The following KRT20 variants were observed in gnomAD, a reference collection of about 807,000 sequenced individuals.
KRT20 encodes the protein keratin, type I cytoskeletal 20.
Under a neutral mutation model 43.0 loss-of-function variants are expected in KRT20, and 41 were observed. That is an observed-to-expected ratio of 0.95 (90% CI 0.74 to 1.24). The LOEUF (loss-of-function observed/expected upper bound fraction) is 1.24. KRT20 is among the 50% of genes most tolerant of loss of function. The probability of loss-of-function intolerance (pLI) is 0.00; values close to 1 mark genes in which losing one functional copy is unlikely to be tolerated. For synonymous variants in KRT20, 207 were observed against 200.6 expected (o/e 1.03, Z -0.27); for missense variants, 533 against 521.2 (o/e 1.02, Z -0.22).
chr17:40,883,973 G>A (rs1907704094), intron 1 of KRT20, among the ~76,000 whole-genome samples: 2 of 152,190 alleles, frequency 1.3e-5, no homozygotes, highest in South Asian at 4.1e-4. Flanking sequence ...CTCTAAAGGA[G>A]TATGAATCTT....
chr17:40,878,378 G>T lies in KRT20; in HGVS notation c.919-13C>A. The T allele has an allele frequency of 1.9e-6, 3 of 1,586,744 alleles. No individual in the cohort carries two copies. The highest frequency in any genetic ancestry group is 2.6e-6 in the Non-Finnish European group (3 of 1,157,260). On this transcript the variant is annotated splice_polypyrimidine_tract_variant and intron_variant, in intron 5 of 7. Transcript: ENST00000167588. ...CCAAAGACTCTTTCTATGAGCACAA[G>T]AAAAATAGGGCACTTCTTATGTGAG... is the stretch of plus-strand genomic sequence containing the variant.
At position 40,882,481 on chromosome 17, in the gene KRT20, T is replaced by G. The variant is rs574580430; in HGVS notation, c.473+91A>C. The G allele has an allele frequency of 6.1e-5, 34 of 557,986 alleles. 1 individual carries two copies. The South Asian group carries it at 1.0e-3, about 17-fold the overall frequency. 34.6% of individuals were successfully genotyped at this position (557,986 alleles called of 1,614,324 possible). ...TTCTGGACATTGAACCGTGCTTCCT[T>G]TATCAACAATGATATGGAAAGCTGA... On this transcript the variant is annotated intron_variant, in intron 2 of 7. Coordinates refer to ENST00000167588, the MANE Select transcript of KRT20 (RefSeq NM_019010.3).
intron 3 of KRT20, 49 bp downstream of exon 3, chr17:40,880,565 T>C (rs745870328): frequency 7.2e-6 from 11 of 1,531,006 alleles, no homozygotes; most frequent in Middle Eastern, 2.1e-4. Flanking sequence ...ATTAGTATTA[T>C]ATAGAACCAT....
chr17:40,884,779 C>T lies in KRT20; in HGVS notation c.390+17G>A, dbSNP rs756264343. 1.2e-6 allele frequency: 2 copies of T among 1,601,638 alleles called. No homozygotes were observed. The highest frequency in any genetic ancestry group is 1.7e-6 in the Non-Finnish European group (2 of 1,172,328). On this transcript the variant is annotated intron_variant, in intron 1 of 7. Transcript: ENST00000167588. ...GAAGCTAAACACAGAGTAGGAAACACAAGCATCATCTCTCACCTGACTTCG... is the reference window on the plus strand; with the variant it reads ...GAAGCTAAACACAGAGTAGGAAACATAAGCATCATCTCTCACCTGACTTCG...
intron 2 of KRT20, 149 bp downstream of exon 2, chr17:40,882,423 C>T (rs1567756514): frequency 9.1e-6 from 3 of 329,040 alleles, no homozygotes; most frequent in Admixed American, 9.7e-5. Flanking sequence ...TAGCTTCATA[C>T]ATGTAGCTTC....
Position 40,876,391 on chromosome 17 carries a change from A to G in KRT20, c.1245T>C (p.Ser415=). Residue 415 remains serine (S), a synonymous_variant, in exon 8 of 8, where the codon TCT becomes TCC. Coordinates refer to ENST00000167588, the MANE Select transcript of KRT20 (RefSeq NM_019010.3). The part of the protein sequence containing the change: ...QEVVDGKVVS[S]EVKEVEENI ...TATTTTCTTCCACCTCTTTGACTTC[A>G]GATGACACGACCTTGCCATCCACTA... 6.2e-7 allele frequency: 1 copy of G among 1,612,976 alleles called. No homozygotes were observed. Among genetic ancestry groups the G allele is most frequent in the African/African-American group, 1.3e-5 (1 of 75,028 alleles).
At chr17:40,878,068 G>C in intron 6 of KRT20, 77 bp downstream of exon 6, 1 of 1,204,962 alleles carries the variant, frequency 8.3e-7, no homozygotes, top group Middle Eastern at 2.0e-4. Flanking sequence ...ATTGGTGCTG[G>C]GTAATGAGTG....
chr17:40,878,072 A>T, intron 6 of KRT20, 73 bp downstream of exon 6: 1 of 1,245,900 alleles, frequency 8.0e-7, no homozygotes, highest in Non-Finnish European at 1.2e-6. Context: ...GTGCTGGGTA[A>T]TGAGTGACAG....
chr17:40,879,012 G>A (rs1002320575), intron 5 of KRT20, among the ~76,000 whole-genome samples: 1 of 152,104 alleles, frequency 6.6e-6, no homozygotes. Flanking sequence ...ATATTGGCCA[G>A]CTGGTCTCAA....
In KRT20 at chr17:40,884,899, G is replaced by A. The variant is rs957614208; in HGVS notation, c.287C>T (p.Ser96Phe). The A allele has an allele frequency of 6.2e-7, 1 of 1,614,090 alleles. No homozygotes were observed. Among genetic ancestry groups the A allele is most frequent in the African/African-American group, 1.3e-5 (1 of 74,930 alleles). Residue 96 changes from serine (S) to phenylalanine (F), a missense_variant, in exon 1 of 8, where the codon TCC becomes TTC. Physicochemically the swap from Ser to Phe is radical, Grantham distance 155 (BLOSUM62 -2). Coordinates refer to ENST00000167588, the MANE Select transcript of KRT20 (RefSeq NM_019010.3). ...CTGCTTGATTTGCACTTCAAGTTTGGAGTTGGACTGCTCCAGGGTCCGCAC... is the reference window on the plus strand; with the variant it reads ...CTGCTTGATTTGCACTTCAAGTTTGAAGTTGGACTGCTCCAGGGTCCGCAC... ...EKVRTLEQSN[S>F]KLEVQIKQWY...
In KRT20 at chr17:40,884,803, C is replaced by G. The variant is rs201355464; in HGVS notation, c.383G>C (p.Arg128Pro). ...ACAAGCATCATCTCTCACCTGACTTCGCAGCTCTTCAATTTGTCTGTAATA... is the reference window on the plus strand; with the variant it reads ...ACAAGCATCATCTCTCACCTGACTTGGCAGCTCTTCAATTTGTCTGTAATA... ...SAYYRQIEEL[R>P]SQIKDAQLQN... Residue 128 changes from arginine to proline, a missense_variant, in exon 1 of 8, where the codon CGA (arginine) becomes CCA (proline). By Grantham distance (103) the Arg-to-Pro change is moderately radical. Transcript: ENST00000167588. The G allele has an allele frequency of 6.2e-6, 10 of 1,611,624 alleles. No individual in the cohort carries two copies. Among genetic ancestry groups the G allele is most frequent in the Non-Finnish European group, 8.5e-6 (10 of 1,178,226 alleles).
chr17:40,881,577 C>T (rs1357301288), intron 2 of KRT20, among the ~76,000 whole-genome samples: 4 of 152,126 alleles, frequency 2.6e-5, no homozygotes, highest in African/African-American at 9.7e-5. Context: ...AAATATCCAA[C>T]TTTAAAAAAT....
intron 2 of KRT20, 61 bp from the exon 3 acceptor site, chr17:40,880,831 T>C (rs1411418837): frequency 7.8e-7 from 1 of 1,289,562 alleles, no homozygotes; most frequent in Non-Finnish European, 1.0e-6. Context: ...AAGGAGAGAA[T>C]CTAATATAAT....
In KRT20 at chr17:40,878,296, A is replaced by G. The variant is rs1314144123; in HGVS notation, c.988T>C (p.Ser330Pro). The G allele has an allele frequency of 6.2e-7, 1 of 1,613,964 alleles. No individual in the cohort carries two copies. The highest frequency in any genetic ancestry group is 8.5e-7 in the Non-Finnish European group (1 of 1,180,008). Residue 330 changes from serine (S) to proline (P), a missense_variant, in exon 6 of 8, where the codon TCG (serine) becomes CCG (proline). By Grantham distance (74) the Ser-to-Pro change is moderately conservative. Transcript: ENST00000167588. The stretch of plus-strand genomic sequence containing the variant: ...TGGGCCTCCAGAGAGCTCAACAGCG[A>G]CTGGAGGTTGGCTAACTGGCTGCTG... ...RYSSQLANLQ[S>P]LLSSLEAQLM...
chr17:40,882,575 A>C lies in KRT20; in HGVS notation c.470T>G (p.Leu157Arg). 1 of 1,557,734 alleles carries C rather than the reference A, an allele frequency of 6.4e-7. No homozygotes were observed. Among genetic ancestry groups the C allele is most frequent in the South Asian group, 1.2e-5 (1 of 82,030 alleles). Residue 157 changes from leucine (L) to arginine (R), a missense_variant, in exon 2 of 8, where the codon CTG becomes CGG. Transcript: ENST00000167588. ...NAKLAAEDFR[L>R]KYETERGIRL... is the part of the protein sequence containing the mutation. Reference sequence around the variant, plus strand: ...TGCCACGTATTAGGGAACCTACTTCAGTCTGAAGTCCTCAGCAGCCAGTTT... The same window carrying C: ...TGCCACGTATTAGGGAACCTACTTCCGTCTGAAGTCCTCAGCAGCCAGTTT...
chr17:40,882,190 G>A (rs1907628929), intron 2 of KRT20, among the ~76,000 whole-genome samples: 1 of 152,136 alleles, frequency 6.6e-6, no homozygotes, highest in South Asian at 2.1e-4. Context: ...GAATCACCAA[G>A]GGTAGACACA....
At position 40,878,177 on chromosome 17, in the gene KRT20, A is replaced by T. The variant is rs749609878; in HGVS notation, c.1107T>A (p.Thr369=). ...CTTCTCCTTCCAGAAGGCGGCGGTAAGTAGCAATTTCCTGTTCAAGTCGAG... is the reference window on the plus strand; with the variant it reads ...CTTCTCCTTCCAGAAGGCGGCGGTATGTAGCAATTTCCTGTTCAAGTCGAG... The part of the protein sequence containing the change: ...IKTRLEQEIA[T]YRRLLEGEDV... Residue 369 remains threonine, a synonymous_variant, in exon 6 of 8, where the codon ACT becomes ACA. Transcript: ENST00000167588. The T allele has an allele frequency of 5.0e-5, 80 of 1,614,004 alleles. No homozygotes were observed. The South Asian group carries it at 8.1e-4, about 16-fold the overall frequency.
chr17:40,880,405 T>C (rs573350139), intron 3 of KRT20, 144 bp from the exon 4 acceptor site: 20 of 897,752 alleles, frequency 2.2e-5, no homozygotes, highest in South Asian at 9.2e-5. Flanking sequence ...GTTGGGCTTA[T>C]TGTGGTCCAG....
chr17:40,879,796 A>C lies in KRT20; in HGVS notation c.918+17T>G. ...AACACATACTAGATTGAGAAAGAGA[A>C]GTTAGATATGCTTTACCATGCTGAG... On this transcript the variant is annotated intron_variant, in intron 5 of 7. Transcript: ENST00000167588. The C allele has an allele frequency of 6.2e-7, 1 of 1,612,530 alleles. No individual in the cohort carries two copies. The highest frequency in any genetic ancestry group is 8.5e-7 in the Non-Finnish European group (1 of 1,179,676).
Sources: gnomAD v4.1 joint callset for allele counts (sites outside exome capture counted in the v4.1 genomes callset) on GRCh38, gnomAD v4.1.1 for gene constraint, MANE v1.5 for transcripts, NCBI Gene and HGNC (gene_info 2026-07-23, HGNC 2026-07-21) for gene names.